Variants in TSPAN14 observed in about 807,000 individuals in gnomAD.
The protein encoded by TSPAN14 is tetraspanin 14, also known as tetraspanin-14.
TSPAN14 carries 16 observed loss-of-function variants against 36.6 expected under a neutral mutation model. The observed-to-expected ratio is 0.44, with a 90% CI of 0.30 to 0.66. TSPAN14 has a LOEUF of 0.66. Among genes scored for constraint, TSPAN14 ranks in the 30% least tolerant of loss-of-function variants. The pLI is 0.12. For synonymous variants in TSPAN14, 139 were observed against 143.8 expected (o/e 0.97, Z 0.24); for missense variants, 231 against 355.1 (o/e 0.65, Z 2.81).
At chr10:80,484,550 G>A (rs184638510) in intron 1 of TSPAN14, among the ~76,000 whole-genome samples, 10 of 152,218 alleles carry the variant, frequency 6.6e-5, no homozygotes, top group African/African-American at 1.9e-4. Flanking sequence ...CATTTGTTAC[G>A]TTATTCTTCC....
chr10:80,464,665 C>T (rs185195668), intron 1 of TSPAN14, among the ~76,000 whole-genome samples: 62 of 152,306 alleles, frequency 4.1e-4, no homozygotes, highest in African/African-American at 1.4e-3. Flanking sequence ...ATGCAGTCCC[C>T]GTGAGAAGGC....
At chr10:80,455,558 CAGTT>C (rs1845698340) in intron 1 of TSPAN14, among the ~76,000 whole-genome samples, 1 of 152,122 alleles carries the variant, frequency 6.6e-6, no homozygotes, top group African/African-American at 2.4e-5. Context: ...AGTCCAGAAG[CAGTT>C]AGTGCCTGCT....
intron 1 of TSPAN14, among the ~76,000 whole-genome samples, chr10:80,479,553 C>T (rs925498879): frequency 6.6e-6 from 1 of 151,908 alleles, no homozygotes; most frequent in African/African-American, 2.4e-5. Flanking sequence ...ATAGGGAATC[C>T]TTTCCCCATT....
chr10:80,508,603 G>A (rs2132050068), intron 4 of TSPAN14, among the ~76,000 whole-genome samples: 1 of 152,236 alleles, frequency 6.6e-6, no homozygotes, highest in African/African-American at 2.4e-5. Flanking sequence ...ACTGCTTGTG[G>A]CCTGGGGCAG....
At chr10:80,454,696 C>A (rs555592524) in intron 1 of TSPAN14, among the ~76,000 whole-genome samples, 3 of 152,252 alleles carry the variant, frequency 2.0e-5, no homozygotes, top group Admixed American at 2.0e-4. Context: ...CCGGCGAGTG[C>A]GCGCCCGTGC....
chr10:80,487,969 A>G (rs551597944), intron 1 of TSPAN14, among the ~76,000 whole-genome samples: 23 of 152,312 alleles, frequency 1.5e-4, no homozygotes, highest in Non-Finnish European at 2.9e-4. Context: ...ATTGCAGACC[A>G]GCAGCCAGCC....
intron 5 of TSPAN14, among the ~76,000 whole-genome samples, chr10:80,511,736 CTCTCTCTCTCTCTCT>C (rs1564745131): frequency 5.3e-5 from 7 of 132,442 alleles, no homozygotes; most frequent in African/African-American, 2.0e-4. Flanking sequence ...CTCTCTCTCT[CTCTCTCTCTCTCTCT>C]CTCTCTCTCT....
exon 9 of TSPAN14, chr10:80,519,951 T>G (rs1218888414): frequency 1.3e-5 from 2 of 151,826 alleles, no homozygotes; most frequent in Non-Finnish European, 2.9e-5. Context: ...AAACATTGTT[T>G]TAGGTTATTT....
chr10:80,509,833 T>G lies in TSPAN14; in HGVS notation c.450+362T>G. 1 of 195,898 alleles carries G rather than the reference T, an allele frequency of 5.1e-6. No individual in the cohort carries two copies. Among genetic ancestry groups the G allele is most frequent in the East Asian group, 1.4e-4 (1 of 7,168 alleles). 12.1% of individuals were successfully genotyped at this position (195,898 alleles called of 1,614,324 possible). Reference sequence around the variant, plus strand: ...CTGCATACCGTAAGGCACAGCTTCTTCCCCCCGGCTCATGACTCACCATCT... The same window carrying G: ...CTGCATACCGTAAGGCACAGCTTCTGCCCCCCGGCTCATGACTCACCATCT... On this transcript the variant is annotated intron_variant, in intron 5 of 8. Transcript: ENST00000429989. The surrounding 1 kb of genome is among the most constrained non-coding windows in gnomAD (Gnocchi z 4.7).
At chr10:80,518,656 A>C (rs561137502) in exon 9 of TSPAN14, 2 of 153,146 alleles carry the variant, frequency 1.3e-5, no homozygotes, top group Non-Finnish European at 2.9e-5. Flanking sequence ...CTGGCGCCGG[A>C]ACTGCCTCTG....
rs369498876 is a variant in TSPAN14 at position 80,510,933 on chromosome 10, A to T, written c.451-1211A>T. The stretch of plus-strand genomic sequence containing the variant: ...CAAAACAAAACTTCCCAGGGGAGGG[A>T]TTCAGTAAATTACAGAGCTTCCTTG... On this transcript the variant is annotated intron_variant, in intron 5 of 8. Transcript: ENST00000429989. Among the ~76,000 whole-genome samples, 3 of 152,284 alleles carry T rather than the reference A, an allele frequency of 2.0e-5. No individual in the cohort carries two copies. In the East Asian group the frequency reaches 5.8e-4, roughly 29 times the overall value.
At chr10:80,469,068 C>T (rs879538482) in intron 1 of TSPAN14, among the ~76,000 whole-genome samples, 18 of 149,056 alleles carry the variant, frequency 1.2e-4, no homozygotes, top group African/African-American at 2.0e-4. Flanking sequence ...TCCTCGGTGC[C>T]GGGGATGTCT....
intron 1 of TSPAN14, among the ~76,000 whole-genome samples, chr10:80,475,360 G>A (rs190475444): frequency 6.6e-6 from 1 of 152,286 alleles, no homozygotes; most frequent in Admixed American, 6.5e-5. Flanking sequence ...TGAGCCAGGG[G>A]TTTGAGATTA....
Position 80,507,296 on chromosome 10 carries a change from G to C in TSPAN14, c.201G>C (p.Met67Ile), listed in dbSNP as rs770494169. 5 of 1,614,246 alleles carry C rather than the reference G, an allele frequency of 3.1e-6. No homozygotes were observed. The South Asian group carries it at 5.5e-5, about 18-fold the overall frequency. The stretch of plus-strand genomic sequence containing the variant: ...TCGACCCTGTGGTGCTGGTCCTGAT[G>C]GTGGGCGTGGTGATGTTCACCCTGG... The change falls in exon 4 of 9, where the codon ATG (methionine) becomes ATC (isoleucine). Residue 67 changes from methionine to isoleucine, a missense_variant. Coordinates refer to ENST00000429989, the Ensembl canonical transcript of TSPAN14.
At chr10:80,520,562 G>T (rs1328504830) in exon 9 of TSPAN14, 2 of 519,972 alleles carry the variant, frequency 3.8e-6, no homozygotes. Context: ...AAGCCTTGGG[G>T]TCTTTCCTGT....
intron 1 of TSPAN14, among the ~76,000 whole-genome samples, chr10:80,482,943 C>A (rs1301409866): frequency 1.3e-5 from 2 of 152,034 alleles, no homozygotes; most frequent in Non-Finnish European, 2.9e-5. Flanking sequence ...CCATGTTGGT[C>A]AGGCTGGTCT....
At chr10:80,454,830 A>G (rs7098414) in intron 1 of TSPAN14, among the ~76,000 whole-genome samples, 1 of 151,932 alleles carries the variant, frequency 6.6e-6, no homozygotes, top group Non-Finnish European at 1.5e-5. Context: ...CTCGGCTCCC[A>G]GGAGATCGGG....
intron 1 of TSPAN14, among the ~76,000 whole-genome samples, chr10:80,479,824 G>C (rs1048338381): frequency 6.6e-6 from 1 of 150,456 alleles, no homozygotes; most frequent in Non-Finnish European, 1.5e-5. Context: ...TTCCAATTCT[G>C]TGAAGAAAGT....
At chr10:80,483,009 A>G (rs2131998730) in intron 1 of TSPAN14, among the ~76,000 whole-genome samples, 1 of 152,304 alleles carries the variant, frequency 6.6e-6, no homozygotes, top group East Asian at 1.9e-4. Flanking sequence ...TGCTGGGATT[A>G]TAGGCGTGAG....
Sources: gnomAD v4.1 joint callset for allele counts (sites outside exome capture counted in the v4.1 genomes callset) on GRCh38, gnomAD v4.1.1 for gene constraint, Gnocchi (gnomAD v3.1) non-coding constraint, MANE v1.5 for transcripts, NCBI Gene and HGNC (gene_info 2026-07-23, HGNC 2026-07-21) for gene names.